ZNF85: variants seen among roughly 807,000 people sequenced by gnomAD.
ZNF85 encodes zinc finger protein 85.
In ZNF85, 50 loss-of-function variants were observed where a neutral mutation model predicts 53.9. The ratio of observed to expected loss-of-function variants is 0.93; its 90% CI spans 0.74 to 1.17. ZNF85 has a LOEUF of 1.17. Among genes scored for constraint, ZNF85 ranks in the 50% most tolerant of loss-of-function variants. The pLI is 0.00. For synonymous variants in ZNF85, 225 were observed against 226.1 expected, an observed-to-expected ratio of 1.00 and a Z score of 0.04; for missense variants, 747 against 688.5, an observed-to-expected ratio of 1.08 and a Z score of -0.95.
chr19:20,935,346 G>A (rs543204681), intron 3 of ZNF85, among the ~76,000 whole-genome samples: 8 of 151,962 alleles, frequency 5.3e-5, no homozygotes, highest in Non-Finnish European at 1.0e-4. Flanking sequence ...TCATTGTTTT[G>A]GGGGACACAC....
rs898960548 is a variant in ZNF85, at chr19:20,938,134, A to T, written c.229+3087A>T. On this transcript the variant is annotated intron_variant, in intron 3 of 3. Transcript: ENST00000328178. ...GTCACACAGGCTTTAGTGCAGTGGC[A>T]TGATCTTGGCTCACTCCCATCTCCT... Among the ~76,000 whole-genome samples, 22 of 152,274 alleles carry T rather than the reference A, an allele frequency of 1.4e-4. 1 individual carries two copies. In the South Asian group the frequency reaches 4.6e-3, roughly 32 times the overall value.
At chr19:20,947,664 A>G (rs1276987445) in intron 3 of ZNF85, among the ~76,000 whole-genome samples, 2 of 151,400 alleles carry the variant, frequency 1.3e-5, no homozygotes, top group African/African-American at 4.8e-5. Flanking sequence ...CTACTTTGTG[A>G]CTTGAAATTG....
Position 20,949,675 on chromosome 19 carries a change from A to G in ZNF85, c.1161A>G (p.Thr387=), listed in dbSNP as rs1171190001. ...KAFNHFSHLT[T]HKIIHTGEKP... is the part of the protein sequence containing the mutation. ...TTAATCATTTCTCACACCTTACTAC[A>G]CATAAGATAATTCATACTGGAGAGA... The change falls in exon 4 of 4, where the codon ACA becomes ACG. Residue 387 remains threonine (T), a synonymous_variant. Coordinates refer to ENST00000328178, the MANE Select transcript of ZNF85 (RefSeq NM_003429.5). The G allele has an allele frequency of 1.2e-6, 2 of 1,612,788 alleles. No individual in the cohort carries two copies. Among genetic ancestry groups the G allele is most frequent in the Non-Finnish European group, 1.7e-6 (2 of 1,179,466 alleles).
chr19:20,946,247 A>G, intron 3 of ZNF85: 2 of 364,244 alleles, frequency 5.5e-6, no homozygotes, highest in South Asian at 2.3e-5. Context: ...AGAGTAATTT[A>G]TAAAATTTTA....
At position 20,948,779 on chromosome 19, in the gene ZNF85, G is replaced by A; in HGVS notation, c.265G>A (p.Glu89Lys). The change falls in exon 4 of 4, where the codon GAG (glutamate) becomes AAG (lysine). Residue 89 changes from glutamate (E) to lysine (K), a missense_variant. Glu to Lys is a moderately conservative substitution (Grantham distance 56, BLOSUM62 1). Transcript: ENST00000328178. ...CSHFAQDLWP[E>K]QNIKDSFQKV... ...TCATTTTGCCCAAGACCTTTGGCCG[G>A]AGCAGAATATAAAAGATTCTTTCCA... is the stretch of plus-strand genomic sequence containing the variant. 1 of 1,596,316 alleles carries A rather than the reference G, an allele frequency of 6.3e-7. No individual in the cohort carries two copies. Among genetic ancestry groups the A allele is most frequent in the South Asian group, 1.2e-5 (1 of 86,720 alleles).
At chr19:20,943,150 T>A (rs1973339052) in intron 3 of ZNF85, 1 of 321,708 alleles carries the variant, frequency 3.1e-6, no homozygotes, top group African/African-American at 2.1e-5. Flanking sequence ...ATGTTGTGTA[T>A]TCTCTTGCTT....
chr19:20,930,028 G>A (rs1972971926), intron 1 of ZNF85, among the ~76,000 whole-genome samples: 2 of 147,550 alleles, frequency 1.4e-5, no homozygotes, highest in Admixed American at 7.0e-5. Context: ...GGCTGAGGCA[G>A]GAGAATCTCT....
intron 3 of ZNF85, among the ~76,000 whole-genome samples, chr19:20,938,552 T>C (rs1351089731): frequency 6.6e-6 from 1 of 152,216 alleles, no homozygotes; most frequent in Non-Finnish European, 1.5e-5. Flanking sequence ...TCCATCTTGC[T>C]GATGTTACTC....
At chr19:20,940,172 A>C (rs1217487139) in intron 3 of ZNF85, among the ~76,000 whole-genome samples, 1 of 151,794 alleles carries the variant, frequency 6.6e-6, no homozygotes, top group African/African-American at 2.4e-5. Flanking sequence ...TATTGTTTTC[A>C]GTTTTTTTCT....
At chr19:20,947,686 GTGTT>G (rs1973456394) in intron 3 of ZNF85, among the ~76,000 whole-genome samples, 1 of 151,030 alleles carries the variant, frequency 6.6e-6, no homozygotes, top group Non-Finnish European at 1.5e-5. Flanking sequence ...ACTCATGCAT[GTGTT>G]TGTTATAAAT....
rs548668976 is a variant in ZNF85, at chr19:20,942,344, A to G, written c.230-6400A>G. On this transcript the variant is annotated intron_variant, in intron 3 of 3. Coordinates refer to ENST00000328178, the MANE Select transcript of ZNF85 (RefSeq NM_003429.5). ...TTCTTGGTAGAGACGGGGTTTCAGT[A>G]TGTTGGCCAGACTGGTCTTGAACTC... is the stretch of plus-strand genomic sequence containing the variant. Among the ~76,000 whole-genome samples the G allele has an allele frequency of 3.3e-5, 5 of 152,026 alleles. No homozygotes were observed. The East Asian group carries it at 9.7e-4, about 30-fold the overall frequency.
intron 1 of ZNF85, among the ~76,000 whole-genome samples, chr19:20,929,646 T>G (rs1027924658): frequency 1.3e-5 from 2 of 152,198 alleles, no homozygotes; most frequent in African/African-American, 2.4e-5. Flanking sequence ...CTCTGGGATT[T>G]AAGTTTCTCT....
At chr19:20,931,192 A>G (rs1242420072) in intron 1 of ZNF85, among the ~76,000 whole-genome samples, 2 of 152,152 alleles carry the variant, frequency 1.3e-5, no homozygotes, top group African/African-American at 4.8e-5. Flanking sequence ...AAGGGAAGCA[A>G]CATCAGCACT....
At position 20,950,344 on chromosome 19, in the gene ZNF85, A is replaced by G; in HGVS notation, c.*42A>G. 7.2e-7 allele frequency: 1 copy of G among 1,386,830 alleles called. No homozygotes were observed. The highest frequency in any genetic ancestry group is 9.7e-7 in the Non-Finnish European group (1 of 1,036,012). 85.9% of individuals were successfully genotyped at this position (1,386,830 alleles called of 1,614,324 possible). A position where few individuals can be genotyped will look rare whatever the true frequency, so the allele number is the denominator to read the frequency against. ...TTAATCAATTTACAAGTCTTACTAA[A>G]CATAAGAAAATTTATACTGGAGAGA... On this transcript the variant is annotated 3_prime_UTR_variant, in exon 4 of 4. Transcript: ENST00000328178.
intron 3 of ZNF85, among the ~76,000 whole-genome samples, chr19:20,935,294 C>A (rs925924469): frequency 1.3e-5 from 2 of 152,120 alleles, no homozygotes; most frequent in Non-Finnish European, 2.9e-5. Context: ...AGCCAAAGTC[C>A]TCTTCGTGGC....
chr19:20,946,103 T>C (rs1229715601), intron 3 of ZNF85, among the ~76,000 whole-genome samples: 1 of 152,100 alleles, frequency 6.6e-6, no homozygotes, highest in East Asian at 1.9e-4. Flanking sequence ...CATATACTTC[T>C]GAGGTTGCTG....
Position 20,950,098 on chromosome 19 carries a change from T to C in ZNF85, c.1584T>C (p.His528=). The change falls in exon 4 of 4, where the codon CAT becomes CAC. Residue 528 remains histidine (H), a synonymous_variant. Transcript: ENST00000328178. ...AFNQSSKLTK[H]KKIHTGEKPY... is the part of the protein sequence containing the mutation. ...ACCAATCCTCAAAACTTACCAAACA[T>C]AAGAAAATTCATACTGGAGAGAAAC... 4 of 1,613,302 alleles carry C rather than the reference T, an allele frequency of 2.5e-6. No individual in the cohort carries two copies. Among genetic ancestry groups the C allele is most frequent in the South Asian group, 1.1e-5 (1 of 91,062 alleles).
chr19:20,947,131 A>G (rs1973440270), intron 3 of ZNF85, among the ~76,000 whole-genome samples: 1 of 151,798 alleles, frequency 6.6e-6, no homozygotes, highest in Non-Finnish European at 1.5e-5. Context: ...TTTACATAAA[A>G]TCTCTAAAAG....
chr19:20,949,641 GA>G lies in ZNF85; in HGVS notation c.1131del (p.Ala378ProfsTer13), dbSNP rs759139108. The G allele has an allele frequency of 8.0e-5, 129 of 1,612,918 alleles. No individual in the cohort carries two copies. In the East Asian group the frequency reaches 2.9e-3, roughly 36 times the overall value. On this transcript the variant is annotated frameshift_variant, in exon 4 of 4. Coordinates refer to ENST00000328178, the MANE Select transcript of ZNF85 (RefSeq NM_003429.5). LOFTEE classifies it high-confidence loss of function. The stretch of plus-strand genomic sequence containing the variant: ...AAACCCTACAAATGTGAAAAATGTG[GA>G]AAAGCCTTTAATCATTTCTCACACC... ...GEKPYKCEKC[G>X]KAFNHFSHLT...
Sources: allele counts gnomAD v4.1 joint callset (sites outside exome capture counted in the v4.1 genomes callset), GRCh38; gene constraint gnomAD v4.1.1; transcripts MANE v1.5; gene names NCBI Gene and HGNC (gene_info 2026-07-23, HGNC 2026-07-21).